The following UEVLD variants were observed in gnomAD, a reference collection of about 807,000 sequenced individuals.
The protein encoded by UEVLD is ubiquitin-conjugating enzyme E2 variant 3.
In UEVLD, 47 loss-of-function variants were observed where a neutral mutation model predicts 58.6. The ratio of observed to expected loss-of-function variants is 0.80; its 90% CI spans 0.63 to 1.02. The LOEUF is 1.02. Among genes scored for constraint, UEVLD ranks in the 50% least tolerant of loss-of-function variants. The probability of loss-of-function intolerance (pLI) is 0.00; values close to 1 mark genes in which losing one functional copy is unlikely to be tolerated. For synonymous variants in UEVLD, 197 were observed against 195.3 expected (o/e 1.01, Z -0.07); for missense variants, 510 against 550.6 (o/e 0.93, Z 0.74).
intron 7 of UEVLD, among the ~76,000 whole-genome samples, chr11:18,551,905 T>A (rs375062769): frequency 3.3e-5 from 5 of 152,234 alleles, no homozygotes; most frequent in African/African-American, 1.2e-4. Flanking sequence ...TCTCGGATTA[T>A]GAGGCCAATG....
chr11:18,580,817 T>G (rs1297409199), intron 1 of UEVLD, among the ~76,000 whole-genome samples: 1 of 151,998 alleles, frequency 6.6e-6, no homozygotes, highest in Non-Finnish European at 1.5e-5. Flanking sequence ...GGAAGAGGAT[T>G]GCTAGTGGAT....
chr11:18,553,748 A>T (rs1851632958), intron 7 of UEVLD, among the ~76,000 whole-genome samples: 1 of 152,220 alleles, frequency 6.6e-6, no homozygotes, highest in African/African-American at 2.4e-5. Context: ...AGTGACACAA[A>T]AGTCACATAC....
intron 6 of UEVLD, chr11:18,564,043 A>G (rs1274984681): frequency 3.3e-6 from 1 of 298,580 alleles, no homozygotes; most frequent in Admixed American, 3.9e-5. Context: ...AGTGTATTCA[A>G]ATGGAGGGTG....
chr11:18,558,584 G>C (rs1393502017), intron 6 of UEVLD, among the ~76,000 whole-genome samples: 1 of 152,034 alleles, frequency 6.6e-6, no homozygotes, highest in South Asian at 2.1e-4. Flanking sequence ...AGGAGTTCAA[G>C]ACCAGCCTGG....
At chr11:18,580,511 A>G (rs980578020) in intron 1 of UEVLD, among the ~76,000 whole-genome samples, 11 of 152,158 alleles carry the variant, frequency 7.2e-5, no homozygotes, top group African/African-American at 2.7e-4. Context: ...CCATAAAATG[A>G]AATATTCAAC....
chr11:18,588,562 A>C (rs1565150435), intron 1 of UEVLD, 51 bp downstream of exon 1: 1 of 1,594,998 alleles, frequency 6.3e-7, no homozygotes, highest in East Asian at 2.3e-5. Flanking sequence ...AGGCAGAGGC[A>C]CCCCCCGCAA....
At chr11:18,560,138 C>CACACACACACACACACAG (rs368897951) in intron 6 of UEVLD, among the ~76,000 whole-genome samples, 1,740 of 74,170 alleles carry the variant, frequency 0.023, 104 homozygotes, top group Middle Eastern at 0.031. Flanking sequence ...CACACACACA[C>CACACACACACACACACAG]AGAGAGAGAA....
At chr11:18,560,552 G>A (rs1479098937) in intron 6 of UEVLD, among the ~76,000 whole-genome samples, 2 of 152,086 alleles carry the variant, frequency 1.3e-5, no homozygotes, top group Admixed American at 6.6e-5. Flanking sequence ...CAGTACATGT[G>A]TAAAAGAGTA....
intron 5 of UEVLD, among the ~76,000 whole-genome samples, chr11:18,565,583 C>A (rs1269496225): frequency 6.6e-6 from 1 of 152,186 alleles, no homozygotes; most frequent in African/African-American, 2.4e-5. Flanking sequence ...AATCCCTGAA[C>A]TTTGGGAAGC....
intron 7 of UEVLD, among the ~76,000 whole-genome samples, chr11:18,557,104 AAAAG>A (rs1298507273): frequency 2.0e-5 from 3 of 151,696 alleles, no homozygotes; most frequent in Non-Finnish European, 2.9e-5. Flanking sequence ...AAAAAAAAAA[AAAAG>A]AGAGAGAGAT....
At chr11:18,537,324 AT>A (rs1554974951) in intron 9 of UEVLD, among the ~76,000 whole-genome samples, 54 of 131,532 alleles carry the variant, frequency 4.1e-4, no homozygotes, top group African/African-American at 1.1e-3. Context: ...ATATATATAT[AT>A]TTTTTTTTTT....
intron 9 of UEVLD, among the ~76,000 whole-genome samples, chr11:18,538,126 G>A (rs973515549): frequency 6.6e-6 from 1 of 152,140 alleles, no homozygotes; most frequent in Non-Finnish European, 1.5e-5. Context: ...TAAGATACAA[G>A]AATTCTAAAC....
At chr11:18,586,224 T>A (rs78325873) in intron 1 of UEVLD, among the ~76,000 whole-genome samples, 9 of 152,142 alleles carry the variant, frequency 5.9e-5, no homozygotes, top group South Asian at 4.1e-4. Context: ...CATTTTTTTT[T>A]ATTTTTTTGA....
intron 9 of UEVLD, among the ~76,000 whole-genome samples, chr11:18,544,371 C>T (rs1329359060): frequency 7.2e-5 from 11 of 152,142 alleles, no homozygotes; most frequent in East Asian, 1.9e-4. Context: ...TGCAGTGCTG[C>T]GATCATGGCT....
At chr11:18,578,690 A>C (rs376806118) in intron 2 of UEVLD, 34 bp downstream of exon 2, 308 of 1,487,624 alleles carry the variant, frequency 2.1e-4, no homozygotes, top group Non-Finnish European at 2.6e-4. Context: ...AGTTCAAATA[A>C]TGCAGCATTT....
Position 18,532,255 on chromosome 11 carries a change from A to G in UEVLD, c.*65T>C, listed in dbSNP as rs570620109. On this transcript the variant is annotated 3_prime_UTR_variant, in exon 12 of 12. Transcript: ENST00000396197. ...GATACAGAAATCCTCAAACCTATAT[A>G]TAGGTAAAATTAAATGACTTTTCCC... 1.4e-6 allele frequency: 2 copies of G among 1,471,626 alleles called. No homozygotes were observed. The highest frequency in any genetic ancestry group is 1.4e-5 in the South Asian group (1 of 69,476). The allele number at this position is 1,471,626 out of a possible 1,614,324, so 91.2% of individuals were successfully genotyped here. A position where few individuals can be genotyped will look rare whatever the true frequency, so the allele number is the denominator to read the frequency against.
At chr11:18,577,737 T>G (rs187960355) in intron 2 of UEVLD, among the ~76,000 whole-genome samples, 1 of 151,766 alleles carries the variant, frequency 6.6e-6, no homozygotes, top group Non-Finnish European at 1.5e-5. Flanking sequence ...CCGGGCATGG[T>G]GGTGGGTGCC....
chr11:18,546,717 T>TGGAACTCCTGACCTCAGGTGATCC (rs1171885155), intron 8 of UEVLD, among the ~76,000 whole-genome samples, 163 bp downstream of exon 8: 1 of 152,126 alleles, frequency 6.6e-6, no homozygotes, highest in Non-Finnish European at 1.5e-5. Context: ...CAGGATGGTC[T>TGGAACTCCTGACCTCAGGTGATCC]GGAACTCCTG....
Position 18,547,002 on chromosome 11 carries a change from G to T in UEVLD, c.764C>A (p.Ser255Tyr). ...AAGGTACGACTGAGAACTACCCAAA[G>T]AGTTGACTGTGAAGATCACCACCTT... ...HSKVVIFTVN[S>Y]LGSSQSYLDV... The change falls in exon 8 of 12, where the codon TCT becomes TAT. Residue 255 changes from serine (S) to tyrosine (Y), a missense_variant. By Grantham distance (144) the Ser-to-Tyr change is moderately radical (BLOSUM62 -2). Coordinates refer to ENST00000396197, the MANE Select transcript of UEVLD (RefSeq NM_001040697.4). The T allele has an allele frequency of 6.2e-7, 1 of 1,614,080 alleles. No homozygotes were observed. Among genetic ancestry groups the T allele is most frequent in the Non-Finnish European group, 8.5e-7 (1 of 1,180,028 alleles).
Sources: allele counts gnomAD v4.1 joint callset (sites outside exome capture counted in the v4.1 genomes callset), GRCh38; gene constraint gnomAD v4.1.1; transcripts MANE v1.5; gene names NCBI Gene and HGNC (gene_info 2026-07-23, HGNC 2026-07-21).